SSX1: variants seen among roughly 807,000 people sequenced by gnomAD.
SSX1 encodes the protein SSX family member 1, also known as protein SSX1.
SSX1 carries 58 observed loss-of-function variants against 14.6 expected under a neutral mutation model. The ratio of observed to expected loss-of-function variants is 3.96; its 90% CI spans 3.21 to 4.93. SSX1 has a LOEUF of 4.93. SSX1 is among the 30% of genes most tolerant of loss of function. The pLI is 0.00. For synonymous variants in SSX1, 46 were observed against 52.1 expected (o/e 0.88, Z 0.50); for missense variants, 272 against 143.1 (o/e 1.90, Z -4.60).
chrX:48,257,831 A>C lies in SSX1; in HGVS notation c.155A>C (p.Lys52Thr). 1 of 1,201,022 alleles carries C rather than the reference A, an allele frequency of 8.3e-7. No homozygotes were observed. Among genetic ancestry groups the C allele is most frequent in the Non-Finnish European group, 1.1e-6 (1 of 887,621 alleles). The change falls in exon 3 of 8, where the codon AAG (lysine) becomes ACG (threonine). Residue 52 changes from lysine (K) to threonine (T), a missense_variant. Coordinates refer to ENST00000376919, the MANE Select transcript of SSX1 (RefSeq NM_005635.4). ...GAGAAAATCAGCTATGTGTATATGA[A>C]GAGAAACTATAAGGCCATGACTAAA... is the stretch of plus-strand genomic sequence containing the variant. ...YSEKISYVYM[K>T]RNYKAMTKLG...
At chrX:48,261,171 C>A (rs781957358) in intron 4 of SSX1, among the ~76,000 whole-genome samples, 2 of 112,063 alleles carry the variant, frequency 1.8e-5, no homozygotes, top group Non-Finnish European at 3.8e-5. Context: ...AATCATAAGA[C>A]AAGGTCAGAG....
At chrX:48,263,181 T>C (rs1486300568) in intron 5 of SSX1, among the ~76,000 whole-genome samples, 1 of 110,767 alleles carries the variant, frequency 9.0e-6, no homozygotes, top group Non-Finnish European at 1.9e-5. Flanking sequence ...CACATCCCAG[T>C]GTAACCAGAA....
Position 48,261,754 on chromosome X carries a change from G to A in SSX1, c.281-12G>A, listed in dbSNP as rs192241183. On this transcript the variant is annotated splice_polypyrimidine_tract_variant and intron_variant, in intron 4 of 7. Coordinates refer to ENST00000376919, the MANE Select transcript of SSX1 (RefSeq NM_005635.4). ...TACCAACAAAGAAAAATTCTGATGT[G>A]TTCTCTTTCAGTTGAACATCCTCAG... The A allele has an allele frequency of 5.5e-5, 66 of 1,209,083 alleles. No homozygotes were observed. Among genetic ancestry groups the A allele is most frequent in the Admixed American group, 1.3e-4 (6 of 45,736 alleles).
In SSX1 at chrX:48,267,269, ACACACACACG is replaced by A. The variant is rs1341506457; in HGVS notation, c.*430_*439del. ...TTCCTCTGCATTTACACACACACAC[ACACACACACG>A]CACACACACACACCAAGTACCAGTA... On this transcript the variant is annotated 3_prime_UTR_variant, in exon 8 of 8. Transcript: ENST00000376919. The A allele has an allele frequency of 8.9e-6, 2 of 225,072 alleles. No homozygotes were observed. The highest frequency in any genetic ancestry group is 7.9e-6 in the Non-Finnish European group (1 of 126,277). 18.5% of individuals were successfully genotyped at this position (225,072 alleles called of 1,213,427 possible).
rs781980510 is a variant in SSX1, at chrX:48,257,736, T to G, written c.70-10T>G. 2.7e-5 allele frequency: 31 copies of G among 1,168,440 alleles called. No individual in the cohort carries two copies. Among genetic ancestry groups the G allele is most frequent in the Middle Eastern group, 4.7e-4 (2 of 4,280 alleles). On this transcript the variant is annotated splice_polypyrimidine_tract_variant and intron_variant, in intron 2 of 7. Coordinates refer to ENST00000376919, the MANE Select transcript of SSX1 (RefSeq NM_005635.4). ...TGAGTCACTGACAAATTTTATTTTA[T>G]TTTTTTTAGGCCTTTGATGATATTG...
At chrX:48,262,049 T>C (rs2059605828) in intron 5 of SSX1, among the ~76,000 whole-genome samples, 1 of 112,129 alleles carries the variant, frequency 8.9e-6, no homozygotes, top group African/African-American at 3.2e-5. Flanking sequence ...CATGGATTAA[T>C]TAATTTAATC....
chrX:48,258,562 A>G lies in SSX1; in HGVS notation c.211A>G (p.Met71Val), dbSNP rs145959932. ...TTTCAAAGTCACCCTCCCACCTTTC[A>G]TGTGTAATAAACAGGCCACAGACTT... Reference protein sequence around the residue: ...LGFKVTLPPFMCNKQATDFQG... With the variant: ...LGFKVTLPPFVCNKQATDFQG... The change falls in exon 4 of 8, where the codon ATG becomes GTG. Residue 71 changes from methionine to valine, a missense_variant. Physicochemically the swap from Met to Val is conservative, Grantham distance 21 (BLOSUM62 1). Transcript: ENST00000376919. The G allele has an allele frequency of 3.2e-5, 39 of 1,206,200 alleles. No individual in the cohort carries two copies. The highest frequency in any genetic ancestry group is 2.1e-4 in the African/African-American group (12 of 56,698).
chrX:48,265,593 G>T (rs1393932212), intron 6 of SSX1, among the ~76,000 whole-genome samples: 1 of 111,163 alleles, frequency 9.0e-6, no homozygotes, highest in Non-Finnish European at 1.9e-5. Flanking sequence ...CACACAACAG[G>T]GTGACTATAG....
Position 48,257,862 on chromosome X carries a change from T to C in SSX1, c.184+2T>C, listed in dbSNP as rs782085634. On this transcript the variant is annotated splice_donor_variant, in intron 3 of 7. Transcript: ENST00000376919. LOFTEE classifies it high-confidence loss of function. ...ACTATAAGGCCATGACTAAACTAGG[T>C]AACAGAAAGTTCTAGGAACAGACAA... 8.9e-6 allele frequency: 10 copies of C among 1,127,254 alleles called. No individual in the cohort carries two copies. Among genetic ancestry groups the C allele is most frequent in the African/African-American group, 3.6e-5 (2 of 55,162 alleles). 92.9% of individuals were successfully genotyped at this position (1,127,254 alleles called of 1,213,427 possible). A position where few individuals can be genotyped will look rare whatever the true frequency, so the allele number is the denominator to read the frequency against.
chrX:48,263,917 G>T lies in SSX1; in HGVS notation c.466G>T (p.Gly156Ter), dbSNP rs782295449. The stretch of plus-strand genomic sequence containing the variant: ...TTCTGAGAAGATTAATAAGAGATCT[G>T]GTAAGAGGAAATGATTTGGGAACAA... ...NISEKINKRS[G>*]PKRGKHAWTH... The change falls in exon 6 of 8, where the codon GGA becomes TGA. Residue 156 changes from glycine to a stop codon, truncating the protein, a stop_gained and splice_region_variant. Coordinates refer to ENST00000376919, the MANE Select transcript of SSX1 (RefSeq NM_005635.4). LOFTEE classifies it high-confidence loss of function. 2.5e-6 allele frequency: 3 copies of T among 1,208,291 alleles called. No individual in the cohort carries two copies. The highest frequency in any genetic ancestry group is 2.2e-5 in the Admixed American group (1 of 45,509).
chrX:48,266,025 G>A (rs1453941604), intron 6 of SSX1, among the ~76,000 whole-genome samples: 3 of 111,816 alleles, frequency 2.7e-5, no homozygotes, highest in South Asian at 3.7e-4. Flanking sequence ...AGGAGGTATC[G>A]GTGAATGTTC....
intron 6 of SSX1, among the ~76,000 whole-genome samples, chrX:48,265,715 A>T (rs1279724258): frequency 2.7e-5 from 3 of 111,839 alleles, no homozygotes; most frequent in Non-Finnish European, 3.8e-5. Flanking sequence ...CCATGATGTG[A>T]TTATTACGCA....
intron 2 of SSX1, 25 bp from the exon 3 acceptor site, chrX:48,257,721 A>G: frequency 8.4e-7 from 1 of 1,188,213 alleles, no homozygotes. Context: ...TGAGTCACTG[A>G]CAAATTTTAT....
In SSX1 at chrX:48,261,936, C is replaced by T. The variant is rs1326609631; in HGVS notation, c.330+121C>T. The stretch of plus-strand genomic sequence containing the variant: ...TGCCTCTTTCTCCCCATGTCTATCA[C>T]AACAACTTATGTAGCACCGACGGCT... On this transcript the variant is annotated intron_variant, in intron 5 of 7. Coordinates refer to ENST00000376919, the MANE Select transcript of SSX1 (RefSeq NM_005635.4). 8.4e-6 allele frequency: 7 copies of T among 831,027 alleles called. No homozygotes were observed. In the East Asian group the frequency reaches 1.6e-4, roughly 19 times the overall value. The allele number at this position is 831,027 out of a possible 1,213,427, so 68.5% of individuals were successfully genotyped here. A position where few individuals can be genotyped will look rare whatever the true frequency, so the allele number is the denominator to read the frequency against.
At chrX:48,263,965 G>T (rs781886920) in intron 6 of SSX1, 48 bp downstream of exon 6, 64 of 1,191,894 alleles carry the variant, frequency 5.4e-5, no homozygotes, top group Non-Finnish European at 6.6e-5. Flanking sequence ...TTCTGGCTAT[G>T]TTCAGGTGTG....
rs372463561 is a variant in SSX1, at chrX:48,258,640, A to G, written c.280+9A>G. ...TAACCGCAGGATTCAGGGTGAGTAG[A>G]TGGGAAGTGGCTGGAAAGGTCTCCT... On this transcript the variant is annotated intron_variant, in intron 4 of 7. Transcript: ENST00000376919. 1 of 1,173,049 alleles carries G rather than the reference A, an allele frequency of 8.5e-7. No individual in the cohort carries two copies. The highest frequency in any genetic ancestry group is 1.8e-5 in the African/African-American group (1 of 56,172).
At chrX:48,262,265 A>G (rs1172624193) in intron 5 of SSX1, among the ~76,000 whole-genome samples, 1 of 112,498 alleles carries the variant, frequency 8.9e-6, no homozygotes, top group Non-Finnish European at 1.9e-5. Flanking sequence ...TAATAATAAA[A>G]TGAGGCTATC....
At chrX:48,257,680 C>A (rs781827902) in intron 2 of SSX1, 66 bp from the exon 3 acceptor site, 3 of 1,143,759 alleles carry the variant, frequency 2.6e-6, no homozygotes, top group African/African-American at 3.6e-5. Context: ...ACACAGGAAG[C>A]GGCTCCAGCT....
At chrX:48,263,542 T>C (rs1177455827) in intron 5 of SSX1, among the ~76,000 whole-genome samples, 3 of 111,709 alleles carry the variant, frequency 2.7e-5, no homozygotes, top group Non-Finnish European at 3.8e-5. Context: ...TTCTGCTGTT[T>C]CCACGAATGT....
Sources: gnomAD v4.1 joint callset for allele counts (sites outside exome capture counted in the v4.1 genomes callset) on GRCh38, gnomAD v4.1.1 for gene constraint, MANE v1.5 for transcripts, NCBI Gene and HGNC (gene_info 2026-07-23, HGNC 2026-07-21) for gene names.